Variants in STRN observed in about 807,000 individuals in gnomAD.
The protein encoded by STRN is protein phosphatase 2 regulatory subunit B'''alpha.
Under a neutral mutation model 96.3 loss-of-function variants are expected in STRN, and 53 were observed. The ratio of observed to expected loss-of-function variants is 0.55; its 90% CI spans 0.44 to 0.69. The LOEUF (loss-of-function observed/expected upper bound fraction) is 0.69, where lower values mean the gene tolerates loss of function less well. STRN is among the 30% of genes least tolerant of loss of function. The probability of loss-of-function intolerance (pLI) is 0.00; values close to 1 mark genes in which losing one functional copy is unlikely to be tolerated. For synonymous variants in STRN, 428 were observed against 355.9 expected, an observed-to-expected ratio of 1.20 and a Z score of -2.28; for missense variants, 987 against 963.9, an observed-to-expected ratio of 1.02 and a Z score of -0.32.
rs1257868494 is a variant in STRN, at chr2:36,843,884, G to A, written c.*5572C>T. Reference sequence around the variant, plus strand: ...ATCTTAATTAGCTTATCCATACCCTGAATTTACATAAGAAACTTCTTGCAC... The same window carrying A: ...ATCTTAATTAGCTTATCCATACCCTAAATTTACATAAGAAACTTCTTGCAC... On this transcript the variant is annotated 3_prime_UTR_variant, in exon 18 of 18. Transcript: ENST00000263918. 6.6e-6 allele frequency: 1 copy of A among 152,128 alleles called. No individual in the cohort carries two copies. The highest frequency in any genetic ancestry group is 2.4e-5 in the African/African-American group (1 of 41,428). The allele number at this position is 152,128 out of a possible 1,614,324, so 9.4% of individuals were successfully genotyped here.
At position 36,966,472 on chromosome 2, in the gene STRN, C is replaced by T. The variant is rs772814930; in HGVS notation, c.-9G>A. On this transcript the variant is annotated 5_prime_UTR_variant, in exon 1 of 18. Coordinates refer to ENST00000263918, the MANE Select transcript of STRN (RefSeq NM_003162.4). ...CCCGCCTGCTCGTCCATGGCGGCCG[C>T]AGATACCCGGGGAGCTGCCCCGGCG... 1 of 1,444,072 alleles carries T rather than the reference C, an allele frequency of 6.9e-7. No individual in the cohort carries two copies. Among genetic ancestry groups the T allele is most frequent in the South Asian group, 1.4e-5 (1 of 72,802 alleles). The allele number at this position is 1,444,072 out of a possible 1,614,324, so 89.5% of individuals were successfully genotyped here.
At chr2:36,900,672 C>T (rs574453145) in intron 5 of STRN, among the ~76,000 whole-genome samples, 286 of 152,180 alleles carry the variant, frequency 1.9e-3, no homozygotes, top group Middle Eastern at 6.8e-3. Context: ...AGGCGGATCA[C>T]GAGGTCAAGA....
At chr2:36,903,939 T>TA (rs1394764563) in intron 4 of STRN, among the ~76,000 whole-genome samples, 1 of 152,200 alleles carries the variant, frequency 6.6e-6, no homozygotes, top group African/African-American at 2.4e-5. Flanking sequence ...ACATTACAAA[T>TA]ACCTGTTTCA....
chr2:36,869,811 C>A, intron 10 of STRN, 82 bp from the exon 11 acceptor site: 1 of 1,154,456 alleles, frequency 8.7e-7, no homozygotes, highest in Non-Finnish European at 1.2e-6. Context: ...TTAATTCTTG[C>A]TGATGTGTCA....
intron 9 of STRN, among the ~76,000 whole-genome samples, chr2:36,879,602 T>C (rs1669014645): frequency 6.6e-6 from 1 of 152,246 alleles, no homozygotes; most frequent in African/African-American, 2.4e-5. Context: ...TCTTTATAAA[T>C]GCAATTTGTT....
At chr2:36,899,727 A>G in intron 5 of STRN, 69 bp from the exon 6 acceptor site, 1 of 1,370,672 alleles carries the variant, frequency 7.3e-7, no homozygotes, top group South Asian at 1.5e-5. Flanking sequence ...AACCCATGAT[A>G]TGTTACATCA....
At chr2:36,944,337 G>C (rs1263650477) in intron 1 of STRN, among the ~76,000 whole-genome samples, 1 of 152,146 alleles carries the variant, frequency 6.6e-6, no homozygotes, top group African/African-American at 2.4e-5. Flanking sequence ...ACTCCTCATA[G>C]GTAGAAGGAA....
At chr2:36,925,246 C>CA (rs760567252) in intron 1 of STRN, 38 bp from the exon 2 acceptor site, 4,833 of 1,298,844 alleles carry the variant, frequency 3.7e-3, no homozygotes, top group Non-Finnish European at 4.2e-3. Flanking sequence ...CAGTTTAGAC[C>CA]AAAAAAAAAA....
chr2:36,950,872 C>T (rs891973691), intron 1 of STRN, among the ~76,000 whole-genome samples: 6 of 152,102 alleles, frequency 3.9e-5, no homozygotes, highest in Admixed American at 3.9e-4. Context: ...GGGAAGCAGG[C>T]TCAGAGACAA....
intron 2 of STRN, among the ~76,000 whole-genome samples, chr2:36,919,012 C>T (rs969196018): frequency 6.6e-6 from 1 of 152,128 alleles, no homozygotes; most frequent in African/African-American, 2.4e-5. Context: ...CTATAATACA[C>T]TAAAGAAGAG....
At chr2:36,901,771 C>T (rs939232141) in intron 5 of STRN, among the ~76,000 whole-genome samples, 27 of 152,244 alleles carry the variant, frequency 1.8e-4, no homozygotes, top group African/African-American at 5.5e-4. Flanking sequence ...TTTTAAGGCT[C>T]CAAGGAACTT....
Position 36,843,790 on chromosome 2 carries a change from A to ATAG in STRN, c.*5665_*5666insCTA, listed in dbSNP as rs1396650689. 6.6e-6 allele frequency: 1 copy of ATAG among 152,218 alleles called. No homozygotes were observed. The highest frequency in any genetic ancestry group is 1.5e-5 in the Non-Finnish European group (1 of 68,038). The allele number at this position is 152,218 out of a possible 1,614,324, so 9.4% of individuals were successfully genotyped here. On this transcript the variant is annotated 3_prime_UTR_variant, in exon 18 of 18. Coordinates refer to ENST00000263918, the MANE Select transcript of STRN (RefSeq NM_003162.4). The stretch of plus-strand genomic sequence containing the variant: ...ATATTCCAATTCATGAGACACCTAT[A>ATAG]GCATGTTATCTATATTTGTACACTT...
At chr2:36,955,179 T>C (rs939686075) in intron 1 of STRN, among the ~76,000 whole-genome samples, 2 of 152,184 alleles carry the variant, frequency 1.3e-5, no homozygotes, top group Admixed American at 1.3e-4. Flanking sequence ...AAGGAGAGGA[T>C]ATGGTATAGA....
In STRN at chr2:36,840,356, C is replaced by T. The variant is rs2372812; in HGVS notation, c.*9100G>A. 0.86 allele frequency: 130,988 copies of T among 152,082 alleles called. 58,090 individuals carry two copies. The highest frequency in any genetic ancestry group is 0.96 in the Non-Finnish European group (65,548 of 68,068). The allele number at this position is 152,082 out of a possible 1,614,324, so 9.4% of individuals were successfully genotyped here. On this transcript the variant is annotated 3_prime_UTR_variant, in exon 18 of 18. Coordinates refer to ENST00000263918, the MANE Select transcript of STRN (RefSeq NM_003162.4). ...TTTAGGGACACCTTCCTGTCCCCAC[C>T]ATGCTCTGCTCAGTTTTCACGCAGG...
chr2:36,850,719 G>T (rs1668196419), intron 16 of STRN, among the ~76,000 whole-genome samples: 1 of 151,984 alleles, frequency 6.6e-6, no homozygotes, highest in Non-Finnish European at 1.5e-5. Flanking sequence ...ATTTGTATTT[G>T]AGTGAACTTT....
intron 3 of STRN, among the ~76,000 whole-genome samples, chr2:36,911,639 C>A (rs948805758): frequency 6.6e-6 from 1 of 152,222 alleles, no homozygotes; most frequent in African/African-American, 2.4e-5. Context: ...TACCCCCTTA[C>A]TTTTAATTCA....
chr2:36,935,965 A>G (rs1295631559), intron 1 of STRN, among the ~76,000 whole-genome samples: 1 of 152,104 alleles, frequency 6.6e-6, no homozygotes, highest in Non-Finnish European at 1.5e-5. Flanking sequence ...AAAACAAAAT[A>G]AATAAAAAAC....
chr2:36,932,770 G>C (rs934198227), intron 1 of STRN, among the ~76,000 whole-genome samples: 6 of 151,948 alleles, frequency 3.9e-5, no homozygotes, highest in African/African-American at 1.5e-4. Context: ...TCTTTCAAAA[G>C]CAATCTCTCC....
intron 1 of STRN, among the ~76,000 whole-genome samples, chr2:36,952,583 T>A (rs1325152820): frequency 6.6e-6 from 1 of 152,236 alleles, no homozygotes; most frequent in Admixed American, 6.5e-5. Flanking sequence ...GAATGATTAA[T>A]ATCTACCACA....
Sources: allele counts gnomAD v4.1 joint callset (sites outside exome capture counted in the v4.1 genomes callset), GRCh38; gene constraint gnomAD v4.1.1; transcripts MANE v1.5; gene names NCBI Gene and HGNC (gene_info 2026-07-23, HGNC 2026-07-21).